CDH13: variants seen among roughly 807,000 people sequenced by gnomAD.
The protein encoded by CDH13 is cadherin 13.
In CDH13, 24 loss-of-function variants were observed where a neutral mutation model predicts 63.8. That is an observed-to-expected ratio of 0.38 (90% CI 0.27 to 0.53). CDH13 has a LOEUF of 0.53. CDH13 is among the 20% of genes least tolerant of loss of function. The probability of loss-of-function intolerance (pLI) is 0.85; values close to 1 mark genes in which losing one functional copy is unlikely to be tolerated. For synonymous variants in CDH13, 503 were observed against 355.3 expected (o/e 1.42, Z -4.67); for missense variants, 1,049 against 903.1 (o/e 1.16, Z -2.07).
chr16:82,914,424 T>A (rs1385901502), intron 2 of CDH13, among the ~76,000 whole-genome samples: 1 of 152,198 alleles, frequency 6.6e-6, no homozygotes, highest in Non-Finnish European at 1.5e-5. Context: ...TTTTCTATTG[T>A]CTCATGACTA....
chr16:83,140,084 G>A (rs1291088224), intron 4 of CDH13, among the ~76,000 whole-genome samples: 1 of 152,198 alleles, frequency 6.6e-6, no homozygotes, highest in Non-Finnish European at 1.5e-5. Context: ...TATTTTTAAA[G>A]TGCGTATACA....
chr16:83,375,296 G>GC (rs1215243596), intron 6 of CDH13, among the ~76,000 whole-genome samples: 1 of 152,172 alleles, frequency 6.6e-6, no homozygotes, highest in Non-Finnish European at 1.5e-5. Flanking sequence ...AAGTGCTGAG[G>GC]CCCCCTTGGG....
At chr16:83,343,664 A>C (rs569675538) in intron 5 of CDH13, among the ~76,000 whole-genome samples, 1 of 152,218 alleles carries the variant, frequency 6.6e-6, no homozygotes, top group Non-Finnish European at 1.5e-5. Flanking sequence ...AATAGTATTG[A>C]TAATAACTGT....
intron 5 of CDH13, among the ~76,000 whole-genome samples, chr16:83,295,005 A>G (rs2151869360): frequency 6.6e-6 from 1 of 152,308 alleles, no homozygotes; most frequent in South Asian, 2.1e-4. Context: ...AACAACCAAA[A>G]CAGCATGGTA....
rs185700261 is a variant in CDH13, at chr16:83,338,119, T to C, written c.637-6743T>C. 1.8e-4 allele frequency among the ~76,000 whole-genome samples: 26 copies of C among 144,262 alleles called. No individual in the cohort carries two copies. The Admixed American group carries it at 1.8e-3, about 10-fold the overall frequency. 94.6% of individuals were successfully genotyped at this position (144,262 alleles called of 152,430 possible). On this transcript the variant is annotated intron_variant, in intron 5 of 13. Transcript: ENST00000567109. ...TTTGTTCAGATTGTTTTAAGCCAAA[T>C]GAGACAGTGCAAAAAAAGGCCAGAC...
chr16:83,051,028 G>A (rs2030266809), intron 3 of CDH13, among the ~76,000 whole-genome samples: 1 of 152,098 alleles, frequency 6.6e-6, no homozygotes, highest in African/African-American at 2.4e-5. Flanking sequence ...CTCTTATCCA[G>A]CCAAGACAGG....
chr16:83,403,577 G>A (rs998012821), intron 6 of CDH13, among the ~76,000 whole-genome samples: 9 of 152,152 alleles, frequency 5.9e-5, no homozygotes, highest in Middle Eastern at 6.8e-3. Context: ...GACCCGAGAT[G>A]GCACAATTGC....
chr16:82,978,109 G>A (rs915056666), intron 2 of CDH13, among the ~76,000 whole-genome samples: 1 of 152,116 alleles, frequency 6.6e-6, no homozygotes, highest in Non-Finnish European at 1.5e-5. Context: ...AGATGATTTA[G>A]GGTATCTGGC....
At chr16:83,011,953 G>A (rs898633899) in intron 2 of CDH13, among the ~76,000 whole-genome samples, 1 of 152,034 alleles carries the variant, frequency 6.6e-6, no homozygotes, top group Admixed American at 6.6e-5. Flanking sequence ...AGTGAGTAAC[G>A]CTGCCTTATT....
intron 2 of CDH13, among the ~76,000 whole-genome samples, chr16:82,889,885 C>T (rs1445834962): frequency 2.0e-5 from 3 of 152,184 alleles, no homozygotes; most frequent in Middle Eastern, 3.2e-3. Context: ...AAAAGAGATG[C>T]TTGCTCAAGA....
chr16:82,641,599 C>G (rs1909406014), intron 1 of CDH13, among the ~76,000 whole-genome samples: 1 of 152,156 alleles, frequency 6.6e-6, no homozygotes. Context: ...CATTACTTTT[C>G]AACAATGAAT....
chr16:82,764,321 C>T (rs2034966995), intron 1 of CDH13, among the ~76,000 whole-genome samples: 1 of 152,272 alleles, frequency 6.6e-6, no homozygotes, highest in South Asian at 2.1e-4. Flanking sequence ...GGTCTTGCTA[C>T]TTACCTACTA....
intron 2 of CDH13, among the ~76,000 whole-genome samples, chr16:82,948,659 C>T (rs568924124): frequency 6.6e-6 from 1 of 152,184 alleles, no homozygotes; most frequent in Non-Finnish European, 1.5e-5. Context: ...CTAATGCAAA[C>T]TCTGCTACTA....
chr16:83,012,884 T>C (rs1161877280), intron 2 of CDH13, among the ~76,000 whole-genome samples: 1 of 152,194 alleles, frequency 6.6e-6, no homozygotes, highest in African/African-American at 2.4e-5. Context: ...TCCCAGCAGA[T>C]TGTAATTTAA....
chr16:83,696,263 T>C (rs987610105), intron 10 of CDH13, among the ~76,000 whole-genome samples: 1 of 152,198 alleles, frequency 6.6e-6, no homozygotes, highest in African/African-American at 2.4e-5. Context: ...TTTTAAAAAG[T>C]CATGCTCAGT....
chr16:83,062,428 A>G (rs1287309000), intron 3 of CDH13, among the ~76,000 whole-genome samples: 2 of 152,206 alleles, frequency 1.3e-5, no homozygotes, highest in Non-Finnish European at 2.9e-5. Context: ...TGCTTCAGTA[A>G]GAAGTATCAA....
At chr16:83,663,274 T>A (rs1431256613) in intron 8 of CDH13, among the ~76,000 whole-genome samples, 6 of 152,184 alleles carry the variant, frequency 3.9e-5, no homozygotes, top group Non-Finnish European at 5.9e-5. Context: ...CAGCAGGGAC[T>A]GGGGGTAGGT....
chr16:83,219,381 G>T (rs963976941), intron 5 of CDH13, among the ~76,000 whole-genome samples: 6 of 152,140 alleles, frequency 3.9e-5, no homozygotes, highest in African/African-American at 1.4e-4. Context: ...AGCCAGATTG[G>T]CTGCATTCAA....
At chr16:83,526,722 G>A (rs2074970646) in intron 7 of CDH13, among the ~76,000 whole-genome samples, 1 of 152,168 alleles carries the variant, frequency 6.6e-6, no homozygotes, top group Non-Finnish European at 1.5e-5. Context: ...CACTTCCCCA[G>A]CCCAGCCTGT....
Sources: allele counts gnomAD v4.1 joint callset (sites outside exome capture counted in the v4.1 genomes callset), GRCh38; gene constraint gnomAD v4.1.1; transcripts MANE v1.5; gene names NCBI Gene and HGNC (gene_info 2026-07-23, HGNC 2026-07-21).